Variants in CNNM2 observed in about 807,000 individuals in gnomAD.
The protein encoded by CNNM2 is metal transporter CNNM2.
Under a neutral mutation model 66.9 loss-of-function variants are expected in CNNM2, and 12 were observed. The observed-to-expected ratio is 0.18, with a 90% CI of 0.11 to 0.29. The LOEUF is 0.29. CNNM2 is among the 10% of genes least tolerant of loss of function. The pLI is 1.00. For synonymous variants in CNNM2, 557 were observed against 501.8 expected (o/e 1.11, Z -1.47); for missense variants, 705 against 1,167.7 (o/e 0.60, Z 5.77).
intron 1 of CNNM2, among the ~76,000 whole-genome samples, chr10:102,983,712 A>C (rs920427279): frequency 1.3e-5 from 2 of 151,796 alleles, no homozygotes; most frequent in African/African-American, 4.8e-5. Flanking sequence ...AAGTGCTGGG[A>C]TTACAGGCAT....
intron 2 of CNNM2, among the ~76,000 whole-genome samples, chr10:103,052,286 A>C (rs527940127): frequency 4.0e-4 from 60 of 150,394 alleles, no homozygotes; most frequent in African/African-American, 1.4e-3. Context: ...TCTCAAAAAA[A>C]AAAACAAAAA....
chr10:102,999,202 C>G (rs530415572), intron 1 of CNNM2, among the ~76,000 whole-genome samples: 298 of 151,346 alleles, frequency 2.0e-3, no homozygotes, highest in African/African-American at 7.0e-3. Context: ...TCCCGAGTAG[C>G]TGGGACTACA....
At chr10:103,055,589 T>G (rs1395465701) in intron 3 of CNNM2, among the ~76,000 whole-genome samples, 1 of 152,252 alleles carries the variant, frequency 6.6e-6, no homozygotes, top group Non-Finnish European at 1.5e-5. Flanking sequence ...ATCTGAGTGG[T>G]TGGCTTATAG....
intron 1 of CNNM2, among the ~76,000 whole-genome samples, chr10:102,951,433 G>A (rs1261190257): frequency 6.6e-6 from 1 of 152,102 alleles, no homozygotes; most frequent in Non-Finnish European, 1.5e-5. Context: ...TTGATCTCAA[G>A]TGATCTGCCT....
At chr10:103,058,277 G>A (rs1473796231) in intron 4 of CNNM2, among the ~76,000 whole-genome samples, 1 of 152,102 alleles carries the variant, frequency 6.6e-6, no homozygotes, top group Non-Finnish European at 1.5e-5. Context: ...TGAGTGCACT[G>A]TTGGGAATTT....
intron 1 of CNNM2, among the ~76,000 whole-genome samples, chr10:103,048,215 T>TTG (rs1415132475): frequency 8.1e-5 from 8 of 98,760 alleles, no homozygotes; most frequent in Admixed American, 1.0e-4. Flanking sequence ...GCGCTCAGCA[T>TTG]TTTTTTTTTT....
chr10:102,925,532 C>T (rs1488378828), intron 1 of CNNM2, among the ~76,000 whole-genome samples: 1 of 152,018 alleles, frequency 6.6e-6, no homozygotes, highest in Non-Finnish European at 1.5e-5. Flanking sequence ...AGTAAATGAC[C>T]TATTTAGGGC....
chr10:102,969,665 C>T (rs567144460), intron 1 of CNNM2, among the ~76,000 whole-genome samples: 6 of 152,056 alleles, frequency 3.9e-5, no homozygotes, highest in African/African-American at 7.2e-5. Flanking sequence ...TTTCTTGAGG[C>T]GGAGTTTTGC....
At chr10:103,069,004 C>T (rs2134360366) in intron 5 of CNNM2, among the ~76,000 whole-genome samples, 1 of 152,286 alleles carries the variant, frequency 6.6e-6, no homozygotes, top group South Asian at 2.1e-4. Context: ...GTCACTGGTC[C>T]CCCAGAGTAA....
chr10:103,074,558 C>G (rs2065656783), intron 6 of CNNM2, among the ~76,000 whole-genome samples: 1 of 151,936 alleles, frequency 6.6e-6, no homozygotes, highest in Non-Finnish European at 1.5e-5. Flanking sequence ...AGTGGCCAGG[C>G]ACGGTGGCTC....
chr10:102,979,094 A>G (rs2063681977), intron 1 of CNNM2, among the ~76,000 whole-genome samples: 2 of 152,134 alleles, frequency 1.3e-5, no homozygotes, highest in South Asian at 4.1e-4. Context: ...ACATTCTAGT[A>G]CGAGTCTTTT....
intron 1 of CNNM2, among the ~76,000 whole-genome samples, chr10:102,936,003 T>G (rs1307335595): frequency 6.6e-6 from 1 of 151,764 alleles, no homozygotes; most frequent in African/African-American, 2.4e-5. Flanking sequence ...TTGTTTGTTT[T>G]TTTGGTTTTT....
At chr10:102,939,955 G>A (rs1028752394) in intron 1 of CNNM2, among the ~76,000 whole-genome samples, 5 of 151,506 alleles carry the variant, frequency 3.3e-5, no homozygotes, top group Admixed American at 6.6e-5. Flanking sequence ...GCGACAGGGT[G>A]AGTCTCCATC....
chr10:103,000,883 C>T (rs2064106513), intron 1 of CNNM2, among the ~76,000 whole-genome samples: 2 of 152,152 alleles, frequency 1.3e-5, no homozygotes, highest in African/African-American at 4.8e-5. Flanking sequence ...CTGGCCTGTA[C>T]ACCATGTTTA....
chr10:103,041,134 C>A (rs905173156), intron 1 of CNNM2, among the ~76,000 whole-genome samples: 2 of 152,104 alleles, frequency 1.3e-5, no homozygotes, highest in Non-Finnish European at 2.9e-5. Flanking sequence ...CTACTTAGCC[C>A]CTCCTCTTAT....
At position 103,073,739 on chromosome 10, in the gene CNNM2, G is replaced by A. The variant is rs1228015752; in HGVS notation, c.2233+1900G>A. 2.6e-5 allele frequency among the ~76,000 whole-genome samples: 4 copies of A among 151,842 alleles called. No individual in the cohort carries two copies. In the South Asian group the frequency reaches 6.3e-4, roughly 24 times the overall value. On this transcript the variant is annotated intron_variant, in intron 6 of 7. Coordinates refer to ENST00000369878, the MANE Select transcript of CNNM2 (RefSeq NM_017649.5). ...TAGCCGGGCGCTGTGGTGGGCGCCT[G>A]TAGTCCCAGCTACTCGGGAGGCTGA...
At chr10:103,019,365 G>A (rs1246823691) in intron 1 of CNNM2, among the ~76,000 whole-genome samples, 1 of 152,064 alleles carries the variant, frequency 6.6e-6, no homozygotes, top group Non-Finnish European at 1.5e-5. Flanking sequence ...ATCACAAGAG[G>A]GGTTCTATTG....
intron 1 of CNNM2, among the ~76,000 whole-genome samples, chr10:102,935,158 C>CAAAAAAAAAAAAAAAAAAAAA: frequency 1.2e-5 from 1 of 82,498 alleles, no homozygotes; most frequent in Non-Finnish European, 2.4e-5. Context: ...GACTCCATCT[C>CAAAAAAAAAAAAAAAAAAAAA]AAAAAAAAAA....
At chr10:102,999,590 G>A (rs1195640147) in intron 1 of CNNM2, among the ~76,000 whole-genome samples, 1 of 152,016 alleles carries the variant, frequency 6.6e-6, no homozygotes, top group Non-Finnish European at 1.5e-5. Context: ...TTTTTAAAAT[G>A]GCAATGCTTA....
Sources: gnomAD v4.1 joint callset for allele counts (sites outside exome capture counted in the v4.1 genomes callset) on GRCh38, gnomAD v4.1.1 for gene constraint, MANE v1.5 for transcripts, NCBI Gene and HGNC (gene_info 2026-07-23, HGNC 2026-07-21) for gene names.